VPS13C: variants seen among roughly 807,000 people sequenced by gnomAD.
The protein encoded by VPS13C is intermembrane lipid transfer protein VPS13C.
A neutral mutation model predicts 456.8 loss-of-function variants in VPS13C; 358 were observed. The observed-to-expected ratio is 0.78, with a 90% CI of 0.72 to 0.86. The LOEUF is 0.86. Ranked by LOEUF, VPS13C falls within the 40% of genes least tolerant of loss-of-function variation. The pLI is 0.00. For missense variants in VPS13C, 4,818 were observed against 4,385.4 expected (o/e 1.10, Z -2.79); for synonymous variants, 1,578 against 1,486.7 (o/e 1.06, Z -1.41).
At chr15:61,937,420 A>G (rs752189123) in intron 47 of VPS13C, among the ~76,000 whole-genome samples, 2 of 152,148 alleles carry the variant, frequency 1.3e-5, no homozygotes, top group African/African-American at 2.4e-5. Context: ...ATCAACTACC[A>G]CTTTCAAGCT....
chr15:61,950,998 T>C lies in VPS13C; in HGVS notation c.4483A>G (p.Ile1495Val), dbSNP rs11629598. 0.07 allele frequency: 112,714 copies of C among 1,599,970 alleles called. 4,363 individuals carry two copies. The highest frequency in any genetic ancestry group is 0.079 in the Non-Finnish European group (92,272 of 1,172,572). Residue 1495 changes from isoleucine to valine, a missense_variant, in exon 40 of 85, where the codon ATT becomes GTT. By Grantham distance (29) the Ile-to-Val change is conservative. Around this residue, in one of 3 missense-constraint regions of VPS13C, gnomAD observed 4,552 missense variants for 4,130.6 expected, o/e 1.10. Transcript: ENST00000644861. Reference protein sequence around the residue: ...TDSKGEPLHIINSSNVTDEPL... With the variant: ...TDSKGEPLHIVNSSNVTDEPL... ...TCGTCAGTCACATTAGAAGAGTTAA[T>C]AATGTGAAGAGGTTCCCCTTTAGAG...
At chr15:61,984,377 T>A (rs980880980) in intron 19 of VPS13C, among the ~76,000 whole-genome samples, 1 of 152,232 alleles carries the variant, frequency 6.6e-6, no homozygotes, top group Non-Finnish European at 1.5e-5. Flanking sequence ...CTTCTCCTAG[T>A]CATTTCCATT....
At chr15:61,857,457 T>C (rs1017710435) in intron 82 of VPS13C, among the ~76,000 whole-genome samples, 8 of 152,102 alleles carry the variant, frequency 5.3e-5, no homozygotes, top group African/African-American at 1.9e-4. Context: ...GAAAGACTTA[T>C]CTGAGGAATG....
At chr15:61,930,494 C>G (rs2044018631) in intron 50 of VPS13C, among the ~76,000 whole-genome samples, 1 of 152,114 alleles carries the variant, frequency 6.6e-6, no homozygotes, top group South Asian at 2.1e-4. Context: ...CACAGTTTTT[C>G]TCAAAAGCAA....
intron 22 of VPS13C, among the ~76,000 whole-genome samples, chr15:61,979,061 G>C (rs116383748): frequency 1.3e-5 from 2 of 152,026 alleles, no homozygotes; most frequent in African/African-American, 4.8e-5. Flanking sequence ...TTGCCACTTA[G>C]AGTCCAGCTC....
At chr15:62,024,126 AT>A (rs1235663376) in intron 6 of VPS13C, among the ~76,000 whole-genome samples, 2 of 152,096 alleles carry the variant, frequency 1.3e-5, no homozygotes, top group East Asian at 3.9e-4. Flanking sequence ...TCCCAATGCC[AT>A]TTATAATATT....
In VPS13C at chr15:61,962,852, C is replaced by G; in HGVS notation, c.3332G>C (p.Gly1111Ala). Residue 1111 changes from glycine (G) to alanine (A), a missense_variant and splice_region_variant, in exon 33 of 85, where the codon GGA becomes GCA. By Grantham distance (60) the Gly-to-Ala change is moderately conservative (BLOSUM62 0). Coordinates refer to ENST00000644861, the MANE Select transcript of VPS13C (RefSeq NM_020821.3). ...KNNIAEIKIQ[G>A]LDSSLSLQSR... ...CTGGAGAGAAAGGGAGGAATCCAGTCCTGAAAAAAAGAGTGTATTATTATA... is the reference window on the plus strand; with the variant it reads ...CTGGAGAGAAAGGGAGGAATCCAGTGCTGAAAAAAAGAGTGTATTATTATA... The G allele has an allele frequency of 6.3e-7, 1 of 1,585,384 alleles. No individual in the cohort carries two copies. The highest frequency in any genetic ancestry group is 8.6e-7 in the Non-Finnish European group (1 of 1,161,372).
rs1403300811 is a variant in VPS13C at position 61,973,504 on chromosome 15, C to A, written c.2567G>T (p.Gly856Val). ...TGAAGTACCAAGTAGACCTTTTGTA[C>A]CACCTGAAATAATAGGAATTGAGGA... The part of the protein sequence containing the change: ...QVSSIPIISG[G>V]TKGLLGTSLL... The change falls in exon 26 of 85, where the codon GGT (glycine) becomes GTT (valine). Residue 856 changes from glycine to valine, a missense_variant. Transcript: ENST00000644861. The A allele has an allele frequency of 6.2e-7, 1 of 1,612,366 alleles. No homozygotes were observed. The highest frequency in any genetic ancestry group is 8.5e-7 in the Non-Finnish European group (1 of 1,178,944).
chr15:62,034,805 T>C (rs1289663799), intron 4 of VPS13C, 152 bp downstream of exon 4: 3 of 477,210 alleles, frequency 6.3e-6, no homozygotes, highest in Non-Finnish European at 1.1e-5. Flanking sequence ...TGCATACATA[T>C]ATAAAAGTAT....
chr15:62,036,373 G>A (rs1468611219), intron 3 of VPS13C, among the ~76,000 whole-genome samples: 1 of 151,986 alleles, frequency 6.6e-6, no homozygotes, highest in Non-Finnish European at 1.5e-5. Context: ...TGCAATGTAA[G>A]ACAGAATATT....
At chr15:61,979,883 T>C (rs956489549) in intron 22 of VPS13C, among the ~76,000 whole-genome samples, 5 of 151,978 alleles carry the variant, frequency 3.3e-5, no homozygotes, top group African/African-American at 1.2e-4. Flanking sequence ...CAAAGAATTA[T>C]AATAAGAGAT....
In VPS13C at chr15:61,881,639, G is replaced by A. The variant is rs762136508; in HGVS notation, c.9707-7C>T. Reference sequence around the variant, plus strand: ...TCAATGAAAGGCTTGGGCTCTAAGAGGAAGAAGTAACACATAAAAAAAAAT... The same window carrying A: ...TCAATGAAAGGCTTGGGCTCTAAGAAGAAGAAGTAACACATAAAAAAAAAT... On this transcript the variant is annotated splice_region_variant and splice_polypyrimidine_tract_variant and intron_variant, in intron 70 of 84. Transcript: ENST00000644861. 1.2e-6 allele frequency: 2 copies of A among 1,611,768 alleles called. No homozygotes were observed. The highest frequency in any genetic ancestry group is 1.3e-5 in the African/African-American group (1 of 74,712).
intron 55 of VPS13C, 39 bp from the exon 56 acceptor site, chr15:61,920,686 C>A: frequency 6.6e-7 from 1 of 1,525,740 alleles, no homozygotes; most frequent in Non-Finnish European, 8.8e-7. Flanking sequence ...AAATTATTAG[C>A]CAGTTGATAA....
intron 3 of VPS13C, among the ~76,000 whole-genome samples, chr15:62,037,395 ATTATATATAAATATATATAATATG>A: frequency 9.4e-6 from 1 of 105,966 alleles, no homozygotes; most frequent in Non-Finnish European, 1.8e-5. Context: ...TATATAATAT[ATTATATATAAATATATATAATATG>A]TTATATATAA....
chr15:61,961,533 A>T lies in VPS13C; in HGVS notation c.3908+56T>A, dbSNP rs530800105. On this transcript the variant is annotated intron_variant, in intron 35 of 84. Transcript: ENST00000644861. The stretch of plus-strand genomic sequence containing the variant: ...TTGGGTAGGAATTTCAAGTCATAAA[A>T]TTTCATGGAAATCATGAATATAATA... 155 of 1,470,782 alleles carry T rather than the reference A, an allele frequency of 1.1e-4. No homozygotes were observed. The African/African-American group carries it at 2.0e-3, about 19-fold the overall frequency. 91.1% of individuals were successfully genotyped at this position (1,470,782 alleles called of 1,614,324 possible).
chr15:61,975,889 T>C (rs776947012), intron 24 of VPS13C, among the ~76,000 whole-genome samples: 16 of 152,148 alleles, frequency 1.1e-4, no homozygotes, highest in Non-Finnish European at 2.1e-4. Context: ...ACATATGGGT[T>C]GAGTATCAGA....
intron 8 of VPS13C, among the ~76,000 whole-genome samples, chr15:62,022,549 A>C (rs2047501317): frequency 1.3e-5 from 2 of 151,910 alleles, no homozygotes; most frequent in Non-Finnish European, 2.9e-5. Context: ...AATTCATTTT[A>C]ATGACTCCAT....
chr15:61,876,340 T>A (rs1173288164), intron 75 of VPS13C, among the ~76,000 whole-genome samples: 2 of 152,062 alleles, frequency 1.3e-5, no homozygotes, highest in African/African-American at 4.8e-5. Context: ...ATTAAATGAA[T>A]ACATAATTCA....
chr15:61,917,370 G>A lies in VPS13C; in HGVS notation c.8026C>T (p.Leu2676Phe), dbSNP rs1295708175. 6.2e-7 allele frequency: 1 copy of A among 1,613,788 alleles called. No homozygotes were observed. Among genetic ancestry groups the A allele is most frequent in the East Asian group, 2.2e-5 (1 of 44,862 alleles). Residue 2676 changes from leucine (L) to phenylalanine (F), a missense_variant, in exon 60 of 85, where the codon CTC (leucine) becomes TTC (phenylalanine). By Grantham distance (22) the Leu-to-Phe change is conservative (BLOSUM62 0). This residue lies in a region of VPS13C where 4,552 missense variants were observed against 4,130.6 expected (regional missense o/e 1.10). Transcript: ENST00000644861. ...LYPSLTLRNL[L>F]PYSLRYLLEG... The stretch of plus-strand genomic sequence containing the variant: ...AGTAAATATCTTAGGGAATATGGGA[G>A]AAGATTCCGCAAAGTGAGAGAAGGA...
Sources: gnomAD v4.1 joint callset for allele counts (sites outside exome capture counted in the v4.1 genomes callset) on GRCh38, gnomAD v4.1.1 for gene constraint, gnomAD v4.1.1 regional missense constraint, MANE v1.5 for transcripts, NCBI Gene and HGNC (gene_info 2026-07-23, HGNC 2026-07-21) for gene names.